Variants in PCDHGA8 observed in about 807,000 individuals in gnomAD.
PCDHGA8 encodes the protein protocadherin gamma-A8.
PCDHGA8 carries 45 observed loss-of-function variants against 59.2 expected under a neutral mutation model. That is an observed-to-expected ratio of 0.76 (90% CI 0.60 to 0.98). The LOEUF (loss-of-function observed/expected upper bound fraction) is 0.98. PCDHGA8 is among the 50% of genes least tolerant of loss of function. The pLI, the probability that PCDHGA8 is intolerant of heterozygous loss-of-function variation, is 0.00. For missense variants in PCDHGA8, 1,257 were observed against 1,196.2 expected, an observed-to-expected ratio of 1.05 and a Z score of -0.75; for synonymous variants, 531 against 519.0, an observed-to-expected ratio of 1.02 and a Z score of -0.32.
In PCDHGA8 at chr5:141,393,816, A is replaced by T; in HGVS notation, c.1003A>T (p.Ile335Phe). Residue 335 changes from isoleucine (I) to phenylalanine (F), a missense_variant, in exon 1 of 4, where the codon ATT becomes TTT. By Grantham distance (21) the Ile-to-Phe change is conservative (BLOSUM62 0). Coordinates refer to ENST00000398604, the MANE Select transcript of PCDHGA8 (RefSeq NM_032088.2). ...ACTTCTGGGGAGGACCAAATTGCTC[A>T]TTTCGGTGGAAGATGTAAATGACAA... ...GALLGRTKLL[I>F]SVEDVNDNRP... The T allele has an allele frequency of 6.2e-7, 1 of 1,613,988 alleles. No homozygotes were observed. Among genetic ancestry groups the T allele is most frequent in the South Asian group, 1.1e-5 (1 of 91,080 alleles).
chr5:141,489,334 C>T lies in PCDHGA8; in HGVS notation c.2425-5473C>T, dbSNP rs768635851. On this transcript the variant is annotated intron_variant, in intron 1 of 3. Transcript: ENST00000398604. This position sits in a 1 kb window ranked among gnomAD's most constrained non-coding sequence, Gnocchi z 4.5. ...CTGGGGCTGGGTGTCTGGGCAGCTTCGTTACTCAGTGGTGGAGGAGTCTGA... is the reference window on the plus strand; with the variant it reads ...CTGGGGCTGGGTGTCTGGGCAGCTTTGTTACTCAGTGGTGGAGGAGTCTGA... The T allele has an allele frequency of 3.7e-6, 6 of 1,606,732 alleles. No individual in the cohort carries two copies. The highest frequency in any genetic ancestry group is 1.1e-5 in the South Asian group (1 of 90,048).
chr5:141,406,877 A>T (rs4912750), intron 1 of PCDHGA8, among the ~76,000 whole-genome samples: 9,155 of 152,322 alleles, frequency 0.06, 381 homozygotes, highest in Non-Finnish European at 0.089. Flanking sequence ...ACTGCTGGGA[A>T]GATTCTAAAA....
intron 1 of PCDHGA8, among the ~76,000 whole-genome samples, chr5:141,397,819 A>G (rs1159682049): frequency 6.6e-6 from 1 of 152,240 alleles, no homozygotes; most frequent in African/African-American, 2.4e-5. Flanking sequence ...AAAAACAATT[A>G]CTGCACTGGT....
intron 1 of PCDHGA8, chr5:141,399,104 A>G (rs561995889): frequency 6.2e-7 from 1 of 1,613,860 alleles, no homozygotes; most frequent in South Asian, 1.1e-5. Context: ...CTGGTTGCAC[A>G]ATGTACAGTT....
At chr5:141,408,274 G>T (rs773254664) in intron 1 of PCDHGA8, 2 of 1,611,590 alleles carry the variant, frequency 1.2e-6, no homozygotes, top group Non-Finnish European at 1.7e-6. Flanking sequence ...TGCTGCCTTT[G>T]TTCTACCCCA....
At position 141,501,332 on chromosome 5, in the gene PCDHGA8, CA is replaced by C. The variant is rs1257793029; in HGVS notation, c.2484-4060del. 1.8e-3 allele frequency among the ~76,000 whole-genome samples: 265 copies of C among 149,784 alleles called. 1 individual carries two copies. The highest frequency in any genetic ancestry group is 5.2e-3 in the African/African-American group (209 of 40,512). On this transcript the variant is annotated intron_variant, in intron 2 of 3. Transcript: ENST00000398604. Reference sequence around the variant, plus strand: ...ACACACACACACACACACACACACACACCCCAAACTCAATAGGGCAAGAACC... The same window carrying C: ...ACACACACACACACACACACACACACCCCCAAACTCAATAGGGCAAGAACC...
At position 141,489,870 on chromosome 5, in the gene PCDHGA8, G is replaced by T; in HGVS notation, c.2425-4937G>T. On this transcript the variant is annotated intron_variant, in intron 1 of 3. Transcript: ENST00000398604. The surrounding 1 kb of genome is among the most constrained non-coding windows in gnomAD (Gnocchi z 4.5). ...GTGAAGCCCAGGCAAGACATCAGCT[G>T]GTGCTTACTGCTGTGGATGGGGGGA... 1.2e-6 allele frequency: 2 copies of T among 1,614,220 alleles called. No individual in the cohort carries two copies. The highest frequency in any genetic ancestry group is 1.7e-6 in the Non-Finnish European group (2 of 1,180,024).
chr5:141,479,631 A>G (rs191955216), intron 1 of PCDHGA8: 1 of 152,282 alleles, frequency 6.6e-6, no homozygotes, highest in Non-Finnish European at 1.5e-5. Context: ...TCTCTTTAAC[A>G]ATAACAACAA....
intron 1 of PCDHGA8, chr5:141,424,442 T>C (rs2096821583): frequency 6.6e-6 from 1 of 152,244 alleles, no homozygotes; most frequent in South Asian, 2.1e-4. Context: ...AATTGAATTA[T>C]TGAACTGGTA....
At chr5:141,448,999 GT>G (rs910018882) in intron 1 of PCDHGA8, among the ~76,000 whole-genome samples, 2 of 151,816 alleles carry the variant, frequency 1.3e-5, no homozygotes, top group African/African-American at 4.8e-5. Context: ...ATAGAAAGCT[GT>G]TTTTTTTAAC....
rs762908598 is a variant in PCDHGA8 at position 141,491,157 on chromosome 5, T to A, written c.2425-3650T>A. The A allele has an allele frequency of 3.7e-6, 6 of 1,614,108 alleles. No homozygotes were observed. The Admixed American group carries it at 8.3e-5, about 22-fold the overall frequency. On this transcript the variant is annotated intron_variant, in intron 1 of 3. Transcript: ENST00000398604. The surrounding 1 kb of genome is among the most constrained non-coding windows in gnomAD (Gnocchi z 6.9). ...CCCGGGCCTTACTGGAGGATGACTC[T>A]GACACCCAGCAGGTGGTGGTCCTGG...
At chr5:141,498,971 GGGAAGGAAGGAAGGAAGGAA>G (rs201769957) in intron 2 of PCDHGA8, among the ~76,000 whole-genome samples, 1,566 of 111,048 alleles carry the variant, frequency 0.014, 32 homozygotes, top group African/African-American at 0.048. Flanking sequence ...GAGGGAGGGA[GGGAAGGAAGGAAGGAAGGAA>G]GGAAGGAAGG....
In PCDHGA8 at chr5:141,472,816, G is replaced by A. The variant is rs1186234004; in HGVS notation, c.2425-21991G>A. On this transcript the variant is annotated intron_variant, in intron 1 of 3. Transcript: ENST00000398604. ...GCCTGACCAACATGGAGAAACCCCC[G>A]TCTCTACTAAAAATAGAAAATTAGC... 4.6e-5 allele frequency among the ~76,000 whole-genome samples: 7 copies of A among 151,374 alleles called. No individual in the cohort carries two copies. In the South Asian group the frequency reaches 6.2e-4, roughly 14 times the overall value.
intron 1 of PCDHGA8, among the ~76,000 whole-genome samples, chr5:141,459,312 G>A (rs968359414): frequency 6.6e-6 from 1 of 152,084 alleles, no homozygotes; most frequent in African/African-American, 2.4e-5. Flanking sequence ...ATACTATTTT[G>A]TATCCATCTT....
chr5:141,473,857 G>A (rs981688765), intron 1 of PCDHGA8, among the ~76,000 whole-genome samples: 1 of 152,164 alleles, frequency 6.6e-6, no homozygotes, highest in Non-Finnish European at 1.5e-5. Context: ...GATGAACCTC[G>A]CTATTGTGGA....
intron 1 of PCDHGA8, chr5:141,404,086 G>A: frequency 6.2e-7 from 1 of 1,613,630 alleles, no homozygotes; most frequent in Non-Finnish European, 8.5e-7. Flanking sequence ...ACTCCGGGAA[G>A]AATGGTCAAG....
intron 1 of PCDHGA8, among the ~76,000 whole-genome samples, chr5:141,448,214 G>A (rs2098576063): frequency 6.6e-6 from 1 of 152,092 alleles, no homozygotes; most frequent in Non-Finnish European, 1.5e-5. Context: ...CTGTGTGTAT[G>A]CGAATGTATG....
intron 1 of PCDHGA8, chr5:141,414,452 T>C (rs767824112): frequency 6.2e-7 from 1 of 1,613,886 alleles, no homozygotes. Flanking sequence ...AATATCACAG[T>C]GACAGCCACA....
chr5:141,461,371 G>C (rs755281402), intron 1 of PCDHGA8, among the ~76,000 whole-genome samples: 1 of 152,084 alleles, frequency 6.6e-6, no homozygotes, highest in Non-Finnish European at 1.5e-5. Context: ...GTTTTAATTT[G>C]CATTTTCCTG....
Sources: gnomAD v4.1 joint callset for allele counts (sites outside exome capture counted in the v4.1 genomes callset) on GRCh38, gnomAD v4.1.1 for gene constraint, Gnocchi (gnomAD v3.1) non-coding constraint, MANE v1.5 for transcripts, NCBI Gene and HGNC (gene_info 2026-07-23, HGNC 2026-07-21) for gene names.